Variants in RAPGEF6 observed in about 807,000 individuals in gnomAD.
The protein encoded by RAPGEF6 is Rap guanine nucleotide exchange factor 6.
In RAPGEF6, 56 loss-of-function variants were observed where a neutral mutation model predicts 171.4. That is an observed-to-expected ratio of 0.33 (90% CI 0.26 to 0.41). The LOEUF (loss-of-function observed/expected upper bound fraction) is 0.41, where lower values mean the gene tolerates loss of function less well. Among genes scored for constraint, RAPGEF6 ranks in the 10% least tolerant of loss-of-function variants. The pLI is 1.00. For synonymous variants in RAPGEF6, 692 were observed against 650.1 expected, an observed-to-expected ratio of 1.06 and a Z score of -0.98; for missense variants, 1,674 against 1,921.4, an observed-to-expected ratio of 0.87 and a Z score of 2.41.
At chr5:131,612,570 TGTAGGC>T (rs1764997059) in intron 1 of RAPGEF6, among the ~76,000 whole-genome samples, 1 of 152,220 alleles carries the variant, frequency 6.6e-6, no homozygotes, top group African/African-American at 2.4e-5. Flanking sequence ...CTGAGTTAGG[TGTAGGC>T]AGGCAGGCAC....
intron 27 of RAPGEF6, 64 bp from the exon 28 acceptor site, chr5:131,427,355 G>C (rs528893509): frequency 2.1e-5 from 28 of 1,353,818 alleles, no homozygotes; most frequent in African/African-American, 2.9e-5. Flanking sequence ...TAATAATCTA[G>C]TTATCTATTT....
chr5:131,443,091 T>G (rs1021082001), intron 22 of RAPGEF6, among the ~76,000 whole-genome samples: 4 of 152,102 alleles, frequency 2.6e-5, no homozygotes, highest in African/African-American at 9.7e-5. Context: ...ATTACAGGCA[T>G]GCACCACCAT....
At chr5:131,501,690 T>C (rs1580927271) in intron 11 of RAPGEF6, among the ~76,000 whole-genome samples, 1 of 151,894 alleles carries the variant, frequency 6.6e-6, no homozygotes, top group Admixed American at 6.6e-5. Flanking sequence ...ACTGGCATGG[T>C]AGAAACTGCT....
intron 1 of RAPGEF6, among the ~76,000 whole-genome samples, chr5:131,607,822 A>G (rs1333768344): frequency 1.3e-5 from 2 of 152,220 alleles, no homozygotes; most frequent in African/African-American, 4.8e-5. Flanking sequence ...CACCTCCTGC[A>G]ATGTCGAAGT....
In RAPGEF6 at chr5:131,592,409, T is replaced by C. The variant is rs971606815; in HGVS notation, c.255A>G (p.Lys85=). 6.8e-6 allele frequency: 11 copies of C among 1,613,640 alleles called. No homozygotes were observed. The Admixed American group carries it at 1.2e-4, about 17-fold the overall frequency. ...YILLSGSVLV[K]GSMVLPPCSF... ...TGCAAGGAGGCAAGACCATGGAGCC[T>C]TTCACAAGCACAGATCCAGAAAGTA... The change falls in exon 4 of 28, where the codon AAA becomes AAG. Residue 85 remains lysine, a synonymous_variant. Transcript: ENST00000509018.
intron 15 of RAPGEF6, among the ~76,000 whole-genome samples, chr5:131,482,133 T>G (rs1460268178): frequency 6.6e-6 from 1 of 152,232 alleles, no homozygotes; most frequent in African/African-American, 2.4e-5. Context: ...CGCAAGTTTA[T>G]GAAAAGCACA....
At chr5:131,549,689 A>AG (rs994127763) in intron 5 of RAPGEF6, among the ~76,000 whole-genome samples, 9 of 152,108 alleles carry the variant, frequency 5.9e-5, no homozygotes, top group African/African-American at 2.2e-4. Flanking sequence ...CTTAAAAAAA[A>AG]AAAAGTTATG....
chr5:131,601,385 C>CAAAAAAAAA (rs758602740), intron 3 of RAPGEF6, among the ~76,000 whole-genome samples: 1 of 54,304 alleles, frequency 1.8e-5, no homozygotes. Flanking sequence ...GACTCCGTCT[C>CAAAAAAAAA]AAAAAAAAAA....
intron 3 of RAPGEF6, among the ~76,000 whole-genome samples, chr5:131,602,152 GA>G (rs2150013823): frequency 6.6e-6 from 1 of 152,130 alleles, no homozygotes; most frequent in South Asian, 2.1e-4. Flanking sequence ...GATACTTTCT[GA>G]AAAATGCATC....
intron 24 of RAPGEF6, chr5:131,436,135 T>C: frequency 2.0e-6 from 3 of 1,538,022 alleles, no homozygotes; most frequent in South Asian, 2.4e-5. Flanking sequence ...TTTTTGGCTG[T>C]TGACTAGTCT....
At chr5:131,564,125 C>T (rs978592762) in intron 4 of RAPGEF6, among the ~76,000 whole-genome samples, 1 of 152,110 alleles carries the variant, frequency 6.6e-6, no homozygotes, top group Non-Finnish European at 1.5e-5. Flanking sequence ...CTGACAATTT[C>T]GCTGAGTTGA....
chr5:131,489,018 G>A (rs1756110135), intron 15 of RAPGEF6, among the ~76,000 whole-genome samples: 1 of 152,152 alleles, frequency 6.6e-6, no homozygotes, highest in African/African-American at 2.4e-5. Context: ...AAACACAACA[G>A]AGGCACTGTA....
chr5:131,526,978 A>G (rs1315823805), intron 6 of RAPGEF6, among the ~76,000 whole-genome samples: 1 of 152,182 alleles, frequency 6.6e-6, no homozygotes, highest in Non-Finnish European at 1.5e-5. Context: ...AGAAAAGGCT[A>G]GAGGTAGAAT....
chr5:131,539,023 A>G (rs1759961923), intron 6 of RAPGEF6, among the ~76,000 whole-genome samples: 1 of 152,232 alleles, frequency 6.6e-6, no homozygotes, highest in Non-Finnish European at 1.5e-5. Flanking sequence ...ATCACAAAGA[A>G]TATACACCTG....
chr5:131,622,475 C>G (rs1311185211), intron 1 of RAPGEF6, among the ~76,000 whole-genome samples: 1 of 152,208 alleles, frequency 6.6e-6, no homozygotes, highest in East Asian at 1.9e-4. Context: ...TAAATAAAAA[C>G]AGAATGAGCA....
At position 131,510,300 on chromosome 5, in the gene RAPGEF6, CAT is replaced by C. The variant is rs1166867348; in HGVS notation, c.805+12_805+13del. The stretch of plus-strand genomic sequence containing the variant: ...AAGTTACAAATTCTTATTGTGAACA[CAT>C]ATATTTCTTACCAATGTCATCATCA... On this transcript the variant is annotated intron_variant, in intron 8 of 27. Coordinates refer to ENST00000509018, the MANE Select transcript of RAPGEF6 (RefSeq NM_016340.6). 1 of 1,605,686 alleles carries C rather than the reference CAT, an allele frequency of 6.2e-7. No individual in the cohort carries two copies. The highest frequency in any genetic ancestry group is 1.7e-5 in the Admixed American group (1 of 58,986).
At chr5:131,483,417 G>A (rs1367633393) in intron 15 of RAPGEF6, among the ~76,000 whole-genome samples, 1 of 151,500 alleles carries the variant, frequency 6.6e-6, no homozygotes, top group Non-Finnish European at 1.5e-5. Context: ...AAAAATTTGT[G>A]GAGCTTGTAG....
At chr5:131,464,766 G>A (rs1016490030) in intron 17 of RAPGEF6, among the ~76,000 whole-genome samples, 2 of 152,128 alleles carry the variant, frequency 1.3e-5, no homozygotes, top group African/African-American at 2.4e-5. Flanking sequence ...TACTTCCTCC[G>A]TGAAAATTCT....
At position 131,498,494 on chromosome 5, in the gene RAPGEF6, A is replaced by C; in HGVS notation, c.1368T>G (p.Asp456Glu). The C allele has an allele frequency of 6.2e-7, 1 of 1,613,870 alleles. No homozygotes were observed. Among genetic ancestry groups the C allele is most frequent in the Non-Finnish European group, 8.5e-7 (1 of 1,179,946 alleles). Residue 456 changes from aspartate (D) to glutamate (E), a missense_variant, in exon 12 of 28, where the codon GAT becomes GAG. This residue lies in a region of RAPGEF6 where 1,116 missense variants were observed against 1,321.5 expected (regional missense o/e 0.84). Transcript: ENST00000509018. ...ACCATTCCAATAGTTTGATCCCAAC[A>C]TCCAAAGGACTTTCAAGAAATGTCC... ...TYRTFLESPL[D>E]VGIKLLEWFK... is the part of the protein sequence containing the mutation.
Sources: allele counts gnomAD v4.1 joint callset (sites outside exome capture counted in the v4.1 genomes callset), GRCh38; gene constraint gnomAD v4.1.1; regional missense constraint gnomAD v4.1.1; transcripts MANE v1.5; gene names NCBI Gene and HGNC (gene_info 2026-07-23, HGNC 2026-07-21).